GAN: variants seen among roughly 807,000 people sequenced by gnomAD.
GAN encodes the protein gigaxonin.
Under a neutral mutation model 71.3 loss-of-function variants are expected in GAN, and 48 were observed. The observed-to-expected ratio is 0.67, with a 90% CI of 0.53 to 0.86. GAN has a LOEUF of 0.86. GAN is among the 40% of genes least tolerant of loss of function. The probability of loss-of-function intolerance (pLI) is 0.00; values close to 1 mark genes in which losing one functional copy is unlikely to be tolerated. For synonymous variants in GAN, 386 were observed against 276.8 expected (o/e 1.39, Z -3.92); for missense variants, 928 against 770.1 (o/e 1.21, Z -2.43).
Position 81,342,644 on chromosome 16 carries a change from A to T in GAN, c.168-8939A>T, listed in dbSNP as rs150873242. 1.1e-3 allele frequency among the ~76,000 whole-genome samples: 173 copies of T among 152,386 alleles called. 1 individual carries two copies. The highest frequency in any genetic ancestry group is 4.0e-3 in the African/African-American group (167 of 41,586). Reference sequence around the variant, plus strand: ...CACATTTCAAGCAATATGTAGAGGGAAATTTATAGCACGAAATGCCCACAA... The same window carrying T: ...CACATTTCAAGCAATATGTAGAGGGTAATTTATAGCACGAAATGCCCACAA... On this transcript the variant is annotated intron_variant, in intron 1 of 10. Coordinates refer to ENST00000648994, the MANE Select transcript of GAN (RefSeq NM_022041.4).
At chr16:81,344,352 T>C (rs1910045625) in intron 1 of GAN, among the ~76,000 whole-genome samples, 1 of 152,170 alleles carries the variant, frequency 6.6e-6, no homozygotes, top group South Asian at 2.1e-4. Flanking sequence ...GGCATCACGC[T>C]ACCTGACTTC....
chr16:81,365,231 C>T, intron 8 of GAN, 119 bp from the exon 9 acceptor site: 1 of 1,569,052 alleles, frequency 6.4e-7, no homozygotes, highest in Admixed American at 1.7e-5. Flanking sequence ...CTTGGCATTT[C>T]CTGAGAAAGG....
chr16:81,354,875 C>T lies in GAN; in HGVS notation c.633+120C>T, dbSNP rs898400060. ...TTACGATGCAGCAATCTAAAAGATA[C>T]CTGTAAAACATGTTCCCCTATATCA... On this transcript the variant is annotated intron_variant, in intron 3 of 10. Coordinates refer to ENST00000648994, the MANE Select transcript of GAN (RefSeq NM_022041.4). 11 of 669,410 alleles carry T rather than the reference C, an allele frequency of 1.6e-5. No individual in the cohort carries two copies. In the African/African-American group the frequency reaches 1.8e-4, roughly 11 times the overall value. 41.5% of individuals were successfully genotyped at this position (669,410 alleles called of 1,614,324 possible). A position where few individuals can be genotyped will look rare whatever the true frequency, so the allele number is the denominator to read the frequency against.
Position 81,381,010 on chromosome 16 carries a change from C to A in GAN, c.*3414C>A, listed in dbSNP as rs1225912672. 1 of 152,172 alleles carries A rather than the reference C, an allele frequency of 6.6e-6. No homozygotes were observed. Among genetic ancestry groups the A allele is most frequent in the Non-Finnish European group, 1.5e-5 (1 of 68,026 alleles). 9.4% of individuals were successfully genotyped at this position (152,172 alleles called of 1,614,324 possible). On this transcript the variant is annotated 3_prime_UTR_variant, in exon 11 of 11. Transcript: ENST00000648994. ...TAAACACTTTGTTATATTGCACTAC[C>A]ACTTTAATGATGACACTTCCTTCAT...
chr16:81,363,660 C>G, intron 6 of GAN, 134 bp from the exon 7 acceptor site: 2 of 841,032 alleles, frequency 2.4e-6, no homozygotes, highest in Non-Finnish European at 4.0e-6. Flanking sequence ...CTCTCCCTGT[C>G]TCCTTGCTCT....
intron 1 of GAN, among the ~76,000 whole-genome samples, chr16:81,338,590 G>T (rs927833791): frequency 3.9e-5 from 6 of 152,164 alleles, no homozygotes; most frequent in African/African-American, 1.4e-4. Flanking sequence ...AAAGTATATG[G>T]AAGGAAAGAA....
intron 1 of GAN, among the ~76,000 whole-genome samples, chr16:81,334,734 A>G (rs1946285): frequency 0.8 from 121,453 of 152,140 alleles, 48,799 homozygotes; most frequent in East Asian, 0.94. Context: ...GATGGAGTGC[A>G]GAAAAGCTCA....
At chr16:81,362,173 G>A (rs1910696250) in intron 5 of GAN, among the ~76,000 whole-genome samples, 1 of 152,172 alleles carries the variant, frequency 6.6e-6, no homozygotes, top group African/African-American at 2.4e-5. Context: ...AGTTGTATGA[G>A]AATCCCAGAG....
At chr16:81,363,671 A>G in intron 6 of GAN, 123 bp from the exon 7 acceptor site, 1 of 918,028 alleles carries the variant, frequency 1.1e-6, no homozygotes, top group Admixed American at 1.9e-5. Flanking sequence ...TCCTTGCTCT[A>G]GGAGTCCCCA....
intron 3 of GAN, among the ~76,000 whole-genome samples, chr16:81,355,993 T>C (rs1320418550): frequency 6.6e-6 from 1 of 152,184 alleles, no homozygotes; most frequent in African/African-American, 2.4e-5. Context: ...ATTTCCTATG[T>C]GCTCCCACTC....
At chr16:81,357,131 G>T in intron 4 of GAN, 129 bp downstream of exon 4, 1 of 729,206 alleles carries the variant, frequency 1.4e-6, no homozygotes, top group Non-Finnish European at 2.5e-6. Context: ...TATACTTTAA[G>T]TTTTAGGGTA....
At chr16:81,328,677 T>G (rs921443215) in intron 1 of GAN, among the ~76,000 whole-genome samples, 1 of 149,442 alleles carries the variant, frequency 6.7e-6, no homozygotes, top group African/African-American at 2.5e-5. Flanking sequence ...CTATCACCAT[T>G]TTTTTTAGAT....
At chr16:81,322,753 C>T (rs1489127964) in intron 1 of GAN, among the ~76,000 whole-genome samples, 1 of 152,150 alleles carries the variant, frequency 6.6e-6, no homozygotes, top group East Asian at 1.9e-4. Context: ...GTTGCCTACA[C>T]CTCTGAATAA....
intron 1 of GAN, among the ~76,000 whole-genome samples, chr16:81,336,080 A>G (rs1006705191): frequency 6.6e-6 from 1 of 152,084 alleles, no homozygotes; most frequent in Non-Finnish European, 1.5e-5. Flanking sequence ...CTCCTCTAAC[A>G]TGTCTTCCGA....
At chr16:81,362,110 A>C (rs1271324571) in intron 5 of GAN, among the ~76,000 whole-genome samples, 2 of 152,236 alleles carry the variant, frequency 1.3e-5, no homozygotes, top group African/African-American at 4.8e-5. Context: ...CGGATGCCTC[A>C]GATCTGGGTA....
chr16:81,373,313 C>A (rs905828686), intron 9 of GAN, among the ~76,000 whole-genome samples: 1 of 152,178 alleles, frequency 6.6e-6, no homozygotes, highest in African/African-American at 2.4e-5. Context: ...TCCCAAGGTC[C>A]TCCTGAAGTC....
chr16:81,389,157 A>G lies in GAN; in HGVS notation c.*11561A>G, dbSNP rs1222024730. 2 of 152,236 alleles carry G rather than the reference A, an allele frequency of 1.3e-5. No individual in the cohort carries two copies. Among genetic ancestry groups the G allele is most frequent in the Non-Finnish European group, 2.9e-5 (2 of 68,046 alleles). 9.4% of individuals were successfully genotyped at this position (152,236 alleles called of 1,614,324 possible). On this transcript the variant is annotated 3_prime_UTR_variant, in exon 11 of 11. Coordinates refer to ENST00000648994, the MANE Select transcript of GAN (RefSeq NM_022041.4). ...ATAAAAATTGTGTGTTGGGAAATGTATCAAGTGACCTTCAGTTAAGAAAAG... is the reference window on the plus strand; with the variant it reads ...ATAAAAATTGTGTGTTGGGAAATGTGTCAAGTGACCTTCAGTTAAGAAAAG...
chr16:81,363,511 C>A (rs1910746605), intron 6 of GAN, among the ~76,000 whole-genome samples: 1 of 152,080 alleles, frequency 6.6e-6, no homozygotes, highest in South Asian at 2.1e-4. Flanking sequence ...ATAGTTTCAA[C>A]TTTTATTTTA....
At chr16:81,334,676 C>T (rs1946287) in intron 1 of GAN, among the ~76,000 whole-genome samples, 119,909 of 152,058 alleles carry the variant, frequency 0.79, 47,491 homozygotes, top group East Asian at 0.94. Flanking sequence ...ACCCTGGGGC[C>T]GATATGGAGA....
Sources: gnomAD v4.1 joint callset for allele counts (sites outside exome capture counted in the v4.1 genomes callset) on GRCh38, gnomAD v4.1.1 for gene constraint, MANE v1.5 for transcripts, NCBI Gene and HGNC (gene_info 2026-07-23, HGNC 2026-07-21) for gene names.